The following RIT2 variants were observed in gnomAD, a reference collection of about 807,000 sequenced individuals.
RIT2 encodes the protein Ras like without CAAX 2, also known as GTP-binding protein Rit2.
RIT2 carries 24 observed loss-of-function variants against 23.7 expected under a neutral mutation model. The ratio of observed to expected loss-of-function variants is 1.01; its 90% CI spans 0.73 to 1.43. The LOEUF is 1.43. Among genes scored for constraint, RIT2 ranks in the 40% most tolerant of loss-of-function variants. The probability of loss-of-function intolerance (pLI) is 0.00; values close to 1 mark genes in which losing one functional copy is unlikely to be tolerated. For missense variants in RIT2, 236 were observed against 266.9 expected (o/e 0.88, Z 0.81); for synonymous variants, 107 against 91.1 (o/e 1.17, Z -0.99).
At chr18:42,832,398 C>G (rs1906484079) in intron 4 of RIT2, among the ~76,000 whole-genome samples, 1 of 152,168 alleles carries the variant, frequency 6.6e-6, no homozygotes. Flanking sequence ...CTTGATCCCA[C>G]CCATAATGAT....
At chr18:43,080,124 G>T (rs1331405851) in intron 1 of RIT2, among the ~76,000 whole-genome samples, 3 of 152,132 alleles carry the variant, frequency 2.0e-5, no homozygotes, top group Non-Finnish European at 4.4e-5. Context: ...AGACCTCTGG[G>T]TCTAATAGAC....
At chr18:42,886,755 T>C (rs929761020) in intron 4 of RIT2, among the ~76,000 whole-genome samples, 2 of 152,138 alleles carry the variant, frequency 1.3e-5, no homozygotes, top group Admixed American at 6.5e-5. Flanking sequence ...AAGGGCAACA[T>C]GAAAATTAAA....
At chr18:42,949,250 G>A (rs932723962) in intron 3 of RIT2, among the ~76,000 whole-genome samples, 5 of 152,046 alleles carry the variant, frequency 3.3e-5, no homozygotes, top group Admixed American at 1.3e-4. Flanking sequence ...TGAGGATGAC[G>A]GGGAACTCTC....
chr18:43,069,772 T>C (rs1015191994), intron 1 of RIT2, among the ~76,000 whole-genome samples: 3 of 152,178 alleles, frequency 2.0e-5, no homozygotes, highest in Non-Finnish European at 4.4e-5. Flanking sequence ...TTGATGTTTC[T>C]TTCTGGAGTA....
intron 4 of RIT2, among the ~76,000 whole-genome samples, chr18:42,826,458 G>A (rs1288288896): frequency 5.9e-5 from 9 of 151,992 alleles, no homozygotes; most frequent in South Asian, 2.1e-4. Flanking sequence ...AAAATTTTAC[G>A]TTTATATCTT....
At chr18:42,780,047 GTTTTTTTTTTT>G (rs71175923) in intron 4 of RIT2, among the ~76,000 whole-genome samples, 3 of 59,568 alleles carry the variant, frequency 5.0e-5, no homozygotes, top group Non-Finnish European at 9.2e-5. Flanking sequence ...CAATTTAGAG[GTTTTTTTTTTT>G]TTTTTTTTTT....
chr18:42,762,334 T>G (rs1818928596), intron 4 of RIT2, among the ~76,000 whole-genome samples: 1 of 152,202 alleles, frequency 6.6e-6, no homozygotes, highest in African/African-American at 2.4e-5. Context: ...CTGCAGAATC[T>G]TAAACAACAA....
At chr18:43,025,637 T>C (rs1322230093) in intron 2 of RIT2, among the ~76,000 whole-genome samples, 1 of 152,082 alleles carries the variant, frequency 6.6e-6, no homozygotes, top group Non-Finnish European at 1.5e-5. Flanking sequence ...TATATATATA[T>C]GCCATGAAAT....
chr18:43,083,348 T>C (rs1007009200), intron 1 of RIT2, among the ~76,000 whole-genome samples: 2 of 152,126 alleles, frequency 1.3e-5, no homozygotes, highest in African/African-American at 4.8e-5. Context: ...CAAGCTACCA[T>C]TGACTTTCTT....
chr18:43,078,658 G>C (rs1304597046), intron 1 of RIT2, among the ~76,000 whole-genome samples: 1 of 152,168 alleles, frequency 6.6e-6, no homozygotes, highest in African/African-American at 2.4e-5. Flanking sequence ...TGGCCACAGG[G>C]TGCAGGCAAA....
At chr18:42,789,615 T>G (rs1015030882) in intron 4 of RIT2, among the ~76,000 whole-genome samples, 6 of 152,220 alleles carry the variant, frequency 3.9e-5, no homozygotes, top group Non-Finnish European at 8.8e-5. Context: ...TCTTTATTTT[T>G]GTTCTCAGCA....
chr18:43,105,929 G>A (rs1913811586), intron 1 of RIT2, among the ~76,000 whole-genome samples: 1 of 152,186 alleles, frequency 6.6e-6, no homozygotes, highest in African/African-American at 2.4e-5. Context: ...ATTGAAGGTT[G>A]ATCAAAATAA....
intron 2 of RIT2, among the ~76,000 whole-genome samples, chr18:43,000,737 T>C (rs1218707289): frequency 6.6e-6 from 1 of 151,954 alleles, no homozygotes; most frequent in African/African-American, 2.4e-5. Context: ...CCTGCAGCCA[T>C]GTAAGATGTG....
At chr18:42,991,844 C>CT (rs1910857669) in intron 2 of RIT2, among the ~76,000 whole-genome samples, 1 of 152,086 alleles carries the variant, frequency 6.6e-6, no homozygotes, top group Non-Finnish European at 1.5e-5. Context: ...GGCCCCACCC[C>CT]ATCTCCCTTC....
intron 4 of RIT2, chr18:42,920,769 G>T: frequency 6.3e-7 from 1 of 1,580,684 alleles, no homozygotes; most frequent in African/African-American, 1.3e-5. Flanking sequence ...GGCTGATAAG[G>T]AATAAGAATT....
intron 4 of RIT2, among the ~76,000 whole-genome samples, chr18:42,788,316 C>T (rs1012005131): frequency 6.6e-6 from 1 of 152,118 alleles, no homozygotes; most frequent in Non-Finnish European, 1.5e-5. Context: ...ATTTTAATAG[C>T]TTCTTCAGGT....
chr18:43,082,417 TACA>T (rs544304455), intron 1 of RIT2, among the ~76,000 whole-genome samples: 16 of 151,848 alleles, frequency 1.1e-4, no homozygotes, highest in Non-Finnish European at 4.4e-5. Flanking sequence ...CTAGCAGAGA[TACA>T]ACAACAACAA....
At chr18:42,771,668 G>A (rs1161554363) in intron 4 of RIT2, among the ~76,000 whole-genome samples, 1 of 152,126 alleles carries the variant, frequency 6.6e-6, no homozygotes, top group Non-Finnish European at 1.5e-5. Flanking sequence ...AGGGGAAGAA[G>A]TCACTAAACA....
intron 2 of RIT2, among the ~76,000 whole-genome samples, chr18:42,981,338 A>T (rs893332523): frequency 3.3e-5 from 5 of 152,178 alleles, no homozygotes; most frequent in African/African-American, 1.2e-4. Flanking sequence ...CACAGAAATA[A>T]AAAGAACTTT....
Sources: allele counts gnomAD v4.1 joint callset (sites outside exome capture counted in the v4.1 genomes callset), GRCh38; gene constraint gnomAD v4.1.1; transcripts MANE v1.5; gene names NCBI Gene and HGNC (gene_info 2026-07-23, HGNC 2026-07-21).